Variants in USP25 observed in about 807,000 individuals in gnomAD.
USP25 encodes ubiquitin specific peptidase 25.
In USP25, 85 loss-of-function variants were observed where a neutral mutation model predicts 158.5. The observed-to-expected ratio is 0.54, with a 90% CI of 0.45 to 0.64. The LOEUF (loss-of-function observed/expected upper bound fraction) is 0.64, where lower values mean the gene tolerates loss of function less well. USP25 is among the 30% of genes least tolerant of loss of function. USP25 has a pLI of 0.00. For synonymous variants in USP25, 464 were observed against 460.4 expected (o/e 1.01, Z -0.10); for missense variants, 1,242 against 1,327.3 (o/e 0.94, Z 1.00).
intron 20 of USP25, among the ~76,000 whole-genome samples, chr21:15,861,661 G>A (rs2039431958): frequency 6.6e-6 from 1 of 152,054 alleles, no homozygotes; most frequent in Non-Finnish European, 1.5e-5. Context: ...AATTTCTTAA[G>A]GAAGTGTGTA....
At chr21:15,804,736 A>G (rs367918979) in intron 6 of USP25, among the ~76,000 whole-genome samples, 2 of 152,256 alleles carry the variant, frequency 1.3e-5, no homozygotes, top group South Asian at 2.1e-4. Flanking sequence ...CCTGGCATGT[A>G]GTGAACACTC....
intron 20 of USP25, among the ~76,000 whole-genome samples, chr21:15,855,871 C>T (rs2039112372): frequency 6.6e-6 from 1 of 152,212 alleles, no homozygotes; most frequent in South Asian, 2.1e-4. Flanking sequence ...TAACAACATA[C>T]GTTAGTTTTC....
intron 7 of USP25, among the ~76,000 whole-genome samples, chr21:15,805,942 C>G (rs1267577137): frequency 6.6e-6 from 1 of 152,130 alleles, no homozygotes; most frequent in Non-Finnish European, 1.5e-5. Context: ...GGATGTGTCT[C>G]TGTTTTGTGA....
chr21:15,740,400 T>A (rs951986411), intron 1 of USP25, among the ~76,000 whole-genome samples: 1 of 151,042 alleles, frequency 6.6e-6, no homozygotes, highest in Non-Finnish European at 1.5e-5. Flanking sequence ...ACGGACATTG[T>A]TTTTTTTTGT....
intron 10 of USP25, 66 bp downstream of exon 10, chr21:15,818,912 G>T: frequency 1.3e-6 from 2 of 1,528,756 alleles, no homozygotes; most frequent in South Asian, 2.4e-5. Context: ...ATAGCACAAT[G>T]TAAGGTTCTA....
In USP25 at chr21:15,842,397, G is replaced by T. The variant is rs367818276; in HGVS notation, c.2195-1G>T. The T allele has an allele frequency of 1.2e-6, 2 of 1,612,748 alleles. No homozygotes were observed. The highest frequency in any genetic ancestry group is 1.7e-5 in the Admixed American group (1 of 59,764). ...ATATAATTGATTCTTTTCTCATGAA[G>T]CACAAGCAGCAGGAGACCCAGAATA... On this transcript the variant is annotated splice_acceptor_variant, in intron 17 of 25. Transcript: ENST00000400183. LOFTEE classifies it high-confidence loss of function.
intron 25 of USP25, 63 bp from the exon 26 acceptor site, chr21:15,878,240 A>G: frequency 1.3e-6 from 2 of 1,551,210 alleles, no homozygotes; most frequent in South Asian, 2.5e-5. Flanking sequence ...TTAGTAAATC[A>G]TGTTGACAAT....
chr21:15,742,776 C>T (rs1443116887), intron 1 of USP25, among the ~76,000 whole-genome samples: 1 of 152,206 alleles, frequency 6.6e-6, no homozygotes, highest in African/African-American at 2.4e-5. Context: ...GTGCCTCTGC[C>T]CAGGCTTTGC....
chr21:15,826,865 A>C lies in USP25; in HGVS notation c.1467-112A>C. ...GTTAGATCAATCCACATATTTCTTT[A>C]AGATTTTTTCTTTTGAATTACAAGC... is the stretch of plus-strand genomic sequence containing the variant. On this transcript the variant is annotated intron_variant, in intron 13 of 25. Transcript: ENST00000400183. This position sits in a 1 kb window ranked among gnomAD's most constrained non-coding sequence, Gnocchi z 4.8. 1 of 972,872 alleles carries C rather than the reference A, an allele frequency of 1.0e-6. No individual in the cohort carries two copies. Among genetic ancestry groups the C allele is most frequent in the Non-Finnish European group, 1.5e-6 (1 of 661,716 alleles). The allele number at this position is 972,872 out of a possible 1,614,324, so 60.3% of individuals were successfully genotyped here. A position where few individuals can be genotyped will look rare whatever the true frequency, so the allele number is the denominator to read the frequency against.
intron 1 of USP25, among the ~76,000 whole-genome samples, chr21:15,733,131 G>GAGCCCCCCCCC (rs2031108959): frequency 1.2e-4 from 1 of 8,134 alleles, no homozygotes; most frequent in Admixed American, 2.8e-3. Flanking sequence ...ACTCCACGGC[G>GAGCCCCCCCCC]CCCCCCCCCC....
Position 15,830,586 on chromosome 21 carries a change from C to G in USP25, c.1749C>G (p.Asp583Glu). 1 of 1,598,120 alleles carries G rather than the reference C, an allele frequency of 6.3e-7. No homozygotes were observed. Among genetic ancestry groups the G allele is most frequent in the Non-Finnish European group, 8.5e-7 (1 of 1,172,728 alleles). ...GAACAATTGAATTAATGTACTCTGA[C>G]AAATCTATGATACAAGTAAGTGAAA... ...IHRTIELMYS[D>E]KSMIQVPYRL... is the part of the protein sequence containing the mutation. The change falls in exon 15 of 26, where the codon GAC becomes GAG. Residue 583 changes from aspartate (D) to glutamate (E), a missense_variant. By Grantham distance (45) the Asp-to-Glu change is conservative (BLOSUM62 2). Around this residue, in one of 3 missense-constraint regions of USP25, gnomAD observed 627 missense variants for 701.4 expected, o/e 0.89. Coordinates refer to ENST00000400183, the MANE Select transcript of USP25 (RefSeq NM_001283041.3).
chr21:15,827,435 C>A (rs940297355), intron 14 of USP25, among the ~76,000 whole-genome samples: 2 of 152,136 alleles, frequency 1.3e-5, no homozygotes, highest in African/African-American at 4.8e-5. Flanking sequence ...AATGACATAG[C>A]AGATGGCCTG....
In USP25 at chr21:15,826,361, C is replaced by T. The variant is rs1207377127; in HGVS notation, c.1462C>T (p.Pro488Ser). ...TGGTTCCATACCATCACAGACATTA[C>T]CAAGGTAAAAAGTAATCCTGATGCA... ...PSGSIPSQTLPSTTEQQGALS... is the reference protein window; with the variant it reads ...PSGSIPSQTLSSTTEQQGALS... Residue 488 changes from proline to serine, a missense_variant, in exon 13 of 26, where the codon CCA becomes TCA. Physicochemically the swap from Pro to Ser is moderately conservative, Grantham distance 74 (BLOSUM62 -1). This residue lies in a region of USP25 where 627 missense variants were observed against 701.4 expected (regional missense o/e 0.89). Transcript: ENST00000400183. This position sits in a 1 kb window ranked among gnomAD's most constrained non-coding sequence, Gnocchi z 4.8. The T allele has an allele frequency of 2.5e-6, 4 of 1,613,650 alleles. No homozygotes were observed. The highest frequency in any genetic ancestry group is 1.1e-5 in the South Asian group (1 of 90,998).
In USP25 at chr21:15,832,910, C is replaced by T. The variant is rs891295253; in HGVS notation, c.1994-438C>T. Among the ~76,000 whole-genome samples the T allele has an allele frequency of 5.3e-5, 8 of 151,670 alleles. No individual in the cohort carries two copies. In the East Asian group the frequency reaches 5.8e-4, roughly 11 times the overall value. ...GTGGGCACCTGTAGTCTCAGCTACC[C>T]GGGAGGCTGAGGCGGGAGAATCGTC... On this transcript the variant is annotated intron_variant, in intron 16 of 25. Coordinates refer to ENST00000400183, the MANE Select transcript of USP25 (RefSeq NM_001283041.3).
At chr21:15,823,482 T>G (rs1430226885) in intron 10 of USP25, among the ~76,000 whole-genome samples, 2 of 152,130 alleles carry the variant, frequency 1.3e-5, no homozygotes, top group African/African-American at 4.8e-5. Context: ...ACTCTAAGTA[T>G]TAACTTTTTG....
At chr21:15,873,526 A>T (rs1255844353) in intron 23 of USP25, among the ~76,000 whole-genome samples, 1 of 150,086 alleles carries the variant, frequency 6.7e-6, no homozygotes, top group Non-Finnish European at 1.5e-5. Context: ...TTTGAGACGG[A>T]GTTTTGCTCT....
At chr21:15,747,595 T>C (rs1056146410) in intron 1 of USP25, among the ~76,000 whole-genome samples, 2 of 152,138 alleles carry the variant, frequency 1.3e-5, no homozygotes, top group African/African-American at 4.8e-5. Context: ...ATAGAACAAC[T>C]ATGATAATAT....
rs149897067 is a variant in USP25, at chr21:15,764,396, G to A, written c.123+1428G>A. On this transcript the variant is annotated intron_variant, in intron 2 of 25. Coordinates refer to ENST00000400183, the MANE Select transcript of USP25 (RefSeq NM_001283041.3). ...ACATTTCCTTTGATAGAGGTTGTGT[G>A]AGCATAGGTATTTTTAATTTTCCAA... Among the ~76,000 whole-genome samples, 4 of 151,400 alleles carry A rather than the reference G, an allele frequency of 2.6e-5. No homozygotes were observed. The East Asian group carries it at 5.8e-4, about 22-fold the overall frequency.
At chr21:15,823,957 T>C (rs2037364449) in intron 10 of USP25, 82 bp from the exon 11 acceptor site, 4 of 1,368,328 alleles carry the variant, frequency 2.9e-6, no homozygotes, top group Non-Finnish European at 4.0e-6. Flanking sequence ...ACAATGTCAG[T>C]GCCCACATCC....
Sources: gnomAD v4.1 joint callset for allele counts (sites outside exome capture counted in the v4.1 genomes callset) on GRCh38, gnomAD v4.1.1 for gene constraint, gnomAD v4.1.1 regional missense constraint, Gnocchi (gnomAD v3.1) non-coding constraint, MANE v1.5 for transcripts, NCBI Gene and HGNC (gene_info 2026-07-23, HGNC 2026-07-21) for gene names.